GTF2E2: variants seen among roughly 807,000 people sequenced by gnomAD.
GTF2E2 encodes general transcription factor IIE subunit 2, also known as transcription initiation factor IIE subunit beta.
GTF2E2 carries 21 observed loss-of-function variants against 40.5 expected under a neutral mutation model. The observed-to-expected ratio is 0.52, with a 90% CI of 0.37 to 0.75. The LOEUF (loss-of-function observed/expected upper bound fraction) is 0.75. GTF2E2 is among the 30% of genes least tolerant of loss of function. GTF2E2 has a pLI of 0.00. For missense variants in GTF2E2, 298 were observed against 338.4 expected (o/e 0.88, Z 0.94); for synonymous variants, 117 against 121.6 (o/e 0.96, Z 0.25).
chr8:30,645,731 A>G, intron 2 of GTF2E2: 5 of 864,656 alleles, frequency 5.8e-6, no homozygotes, highest in African/African-American at 1.7e-5. Flanking sequence ...TAGAAGGGGA[A>G]AAAAAAGTTA....
intron 6 of GTF2E2, among the ~76,000 whole-genome samples, chr8:30,600,540 G>A (rs966079532): frequency 2.6e-5 from 4 of 152,102 alleles, no homozygotes; most frequent in Non-Finnish European, 5.9e-5. Context: ...GCCTAGGCTA[G>A]TAAGGGACTG....
intron 5 of GTF2E2, among the ~76,000 whole-genome samples, chr8:30,611,117 G>C (rs1431760957): frequency 6.6e-6 from 1 of 152,146 alleles, no homozygotes; most frequent in Admixed American, 6.6e-5. Flanking sequence ...CAAGCAAACG[G>C]GCTAAGGCTA....
At chr8:30,593,018 AC>A (rs1828893340) in intron 6 of GTF2E2, among the ~76,000 whole-genome samples, 2 of 152,042 alleles carry the variant, frequency 1.3e-5, no homozygotes, top group African/African-American at 4.8e-5. Flanking sequence ...CTGACCTGAA[AC>A]CCCGTCTCTA....
intron 2 of GTF2E2, among the ~76,000 whole-genome samples, chr8:30,653,229 T>C (rs1802341270): frequency 6.6e-6 from 1 of 152,202 alleles, no homozygotes; most frequent in South Asian, 2.1e-4. Context: ...TAAAGTTTTT[T>C]TAAAGAGGTA....
At position 30,578,992 on chromosome 8, in the gene GTF2E2, G is replaced by A. The variant is rs1416848056; in HGVS notation, c.805C>T (p.Arg269Cys). 29 of 1,610,750 alleles carry A rather than the reference G, an allele frequency of 1.8e-5. No homozygotes were observed. Among genetic ancestry groups the A allele is most frequent in the Non-Finnish European group, 2.2e-5 (26 of 1,177,044 alleles). Residue 269 changes from arginine (R) to cysteine (C), a missense_variant, in exon 8 of 8, where the codon CGC (arginine) becomes TGC (cysteine). Physicochemically the swap from Arg to Cys is radical, Grantham distance 180. Coordinates refer to ENST00000355904, the MANE Select transcript of GTF2E2 (RefSeq NM_002095.6). Reference protein sequence around the residue: ...RKKPASQKKRRFKTHNEHLAG... With the variant: ...RKKPASQKKRCFKTHNEHLAG... ...AAGTGTTCGTTATGAGTCTTAAAGC[G>A]TCGCTTTTTCTGTGAAGCAGGCTTT... is the stretch of plus-strand genomic sequence containing the variant.
intron 6 of GTF2E2, among the ~76,000 whole-genome samples, chr8:30,586,769 C>G (rs1341728069): frequency 6.6e-6 from 1 of 152,182 alleles, no homozygotes; most frequent in Admixed American, 6.5e-5. Flanking sequence ...AGGACAGTCT[C>G]TTCAATAAAG....
intron 2 of GTF2E2, among the ~76,000 whole-genome samples, chr8:30,641,646 G>A (rs1249057484): frequency 2.0e-5 from 3 of 152,182 alleles, no homozygotes; most frequent in Non-Finnish European, 4.4e-5. Flanking sequence ...GGAAGCCAAG[G>A]TGGGTGGATT....
In GTF2E2 at chr8:30,658,200, C is replaced by T; in HGVS notation, c.-232G>A. ...GAGGCGGCGACTGGACCCGGGACTC[C>T]GCCCGCCACTTCCCGATCGGGTGCT... is the stretch of plus-strand genomic sequence containing the variant. On this transcript the variant is annotated 5_prime_UTR_variant, in exon 1 of 8. Transcript: ENST00000355904. The T allele has an allele frequency of 5.4e-6, 1 of 183,536 alleles. No individual in the cohort carries two copies. The highest frequency in any genetic ancestry group is 1.1e-5 in the Non-Finnish European group (1 of 89,288). 11.4% of individuals were successfully genotyped at this position (183,536 alleles called of 1,614,324 possible).
intron 6 of GTF2E2, among the ~76,000 whole-genome samples, chr8:30,583,184 A>G (rs1202631334): frequency 6.6e-6 from 1 of 152,102 alleles, no homozygotes; most frequent in South Asian, 2.1e-4. Flanking sequence ...AAATACAAAA[A>G]TTAGCTGGGC....
At chr8:30,590,688 C>A (rs1299154842) in intron 6 of GTF2E2, among the ~76,000 whole-genome samples, 2 of 151,288 alleles carry the variant, frequency 1.3e-5, no homozygotes, top group Admixed American at 6.6e-5. Context: ...TGATTGAAAT[C>A]AAAAACTTTT....
chr8:30,622,123 C>A lies in GTF2E2; in HGVS notation c.259-7408G>T, dbSNP rs984060890. ...TATCTCCTAATGCTATCCCTCCCCC[C>A]TCCCCCCACCCACAACAGGCCCCGG... On this transcript the variant is annotated intron_variant, in intron 3 of 7. Transcript: ENST00000355904. Among the ~76,000 whole-genome samples the A allele has an allele frequency of 1.8e-4, 4 of 21,646 alleles. 1 individual carries two copies. In the South Asian group the frequency reaches 9.4e-3, roughly 51 times the overall value. 14.2% of individuals were successfully genotyped at this position (21,646 alleles called of 152,430 possible). A position where few individuals can be genotyped will look rare whatever the true frequency, so the allele number is the denominator to read the frequency against.
At chr8:30,648,959 T>C (rs759068212) in intron 2 of GTF2E2, among the ~76,000 whole-genome samples, 4 of 152,216 alleles carry the variant, frequency 2.6e-5, no homozygotes, top group Non-Finnish European at 5.9e-5. Context: ...GACCTGTTTG[T>C]GGGGAAGATG....
intron 6 of GTF2E2, among the ~76,000 whole-genome samples, chr8:30,604,948 C>T (rs1336877272): frequency 2.6e-5 from 4 of 152,090 alleles, no homozygotes; most frequent in Non-Finnish European, 5.9e-5. Context: ...ATAGTATCCA[C>T]AGAAAGAGCA....
Position 30,580,410 on chromosome 8 carries a change from A to T in GTF2E2, c.644-14T>A, listed in dbSNP as rs1371929463. On this transcript the variant is annotated splice_polypyrimidine_tract_variant and intron_variant, in intron 6 of 7. Transcript: ENST00000355904. ...GTTTCTGAAATTCTGTATCAAACAG[A>T]CACTAGTTATTTTACAATCCATTTT... 1 of 1,308,070 alleles carries T rather than the reference A, an allele frequency of 7.6e-7. No homozygotes were observed. Among genetic ancestry groups the T allele is most frequent in the Non-Finnish European group, 1.1e-6 (1 of 901,370 alleles). The allele number at this position is 1,308,070 out of a possible 1,614,324, so 81.0% of individuals were successfully genotyped here. A position where few individuals can be genotyped will look rare whatever the true frequency, so the allele number is the denominator to read the frequency against.
chr8:30,652,020 C>T lies in GTF2E2; in HGVS notation c.166+1413G>A, dbSNP rs118129969. Among the ~76,000 whole-genome samples the T allele has an allele frequency of 8.7e-3, 1,322 of 152,208 alleles. 11 individuals are homozygous for T. Among genetic ancestry groups the T allele is most frequent in the Non-Finnish European group, 0.014 (958 of 68,002 alleles). ...ATGCTGGGACAACTTCATAAGAACA[C>T]GCAAAAAGATAAATTTTGACTCTTA... On this transcript the variant is annotated intron_variant, in intron 2 of 7. Transcript: ENST00000355904.
chr8:30,622,470 A>AGATCACAG (rs996062661), intron 3 of GTF2E2, among the ~76,000 whole-genome samples: 1 of 152,028 alleles, frequency 6.6e-6, no homozygotes, highest in African/African-American at 2.4e-5. Flanking sequence ...AGGCAGGGCG[A>AGATCACAG]GATCACAGGA....
intron 7 of GTF2E2, among the ~76,000 whole-genome samples, 158 bp from the exon 8 acceptor site, chr8:30,579,195 C>T (rs1012036109): frequency 8.5e-5 from 13 of 152,120 alleles, no homozygotes; most frequent in African/African-American, 2.4e-4. Context: ...GCACAGCACA[C>T]GCCCTGACCA....
At chr8:30,620,531 T>A (rs1040167105) in intron 3 of GTF2E2, among the ~76,000 whole-genome samples, 3 of 152,126 alleles carry the variant, frequency 2.0e-5, no homozygotes, top group Admixed American at 6.5e-5. Flanking sequence ...ATCTCTATCT[T>A]TTTCATTTCT....
chr8:30,652,548 T>TA (rs36075972), intron 2 of GTF2E2, among the ~76,000 whole-genome samples: 1,474 of 144,250 alleles, frequency 0.01, 23 homozygotes, highest in African/African-American at 0.033. Flanking sequence ...TAGCTATGAT[T>TA]AAAAAAAAAA....
Sources: allele counts gnomAD v4.1 joint callset (sites outside exome capture counted in the v4.1 genomes callset), GRCh38; gene constraint gnomAD v4.1.1; transcripts MANE v1.5; gene names NCBI Gene and HGNC (gene_info 2026-07-23, HGNC 2026-07-21).